NOTCH2: variants seen among roughly 807,000 people sequenced by gnomAD.
The protein encoded by NOTCH2 is neurogenic locus notch homolog protein 2.
In NOTCH2, 29 loss-of-function variants were observed where a neutral mutation model predicts 235.8. That is an observed-to-expected ratio of 0.12 (90% confidence interval 0.09 to 0.17). The LOEUF is 0.17. Ranked by LOEUF, NOTCH2 falls within the 10% of genes least tolerant of loss-of-function variation. The pLI is 1.00. For synonymous variants in NOTCH2, 1,086 were observed against 1,141.5 expected, an observed-to-expected ratio of 0.95 and a Z score of 0.98; for missense variants, 2,285 against 3,150.2, an observed-to-expected ratio of 0.73 and a Z score of 6.57.
At chr1:120,060,417 CAT>C (rs201155745) in intron 1 of NOTCH2, among the ~76,000 whole-genome samples, 16 of 144,442 alleles carry the variant, frequency 1.1e-4, no homozygotes, top group African/African-American at 3.5e-4. Flanking sequence ...TGTGTGTGTG[CAT>C]ATATATATAT....
chr1:119,932,081 C>A (rs1553195205), intron 22 of NOTCH2, among the ~76,000 whole-genome samples: 1 of 150,644 alleles, frequency 6.6e-6, no homozygotes, highest in African/African-American at 2.4e-5. Flanking sequence ...AAAATATATT[C>A]TCCACCTTAA....
chr1:119,977,358 T>C (rs1651626215), intron 5 of NOTCH2, among the ~76,000 whole-genome samples: 1 of 152,128 alleles, frequency 6.6e-6, no homozygotes, highest in African/African-American at 2.4e-5. Context: ...GAACTCTATC[T>C]CATTTGTATC....
chr1:119,928,914 C>T lies in NOTCH2; in HGVS notation c.3892+62G>A, dbSNP rs1240561701. 4 of 1,402,890 alleles carry T rather than the reference C, an allele frequency of 2.9e-6. No individual in the cohort carries two copies. The African/African-American group carries it at 5.7e-5, about 20-fold the overall frequency. The allele number at this position is 1,402,890 out of a possible 1,614,324, so 86.9% of individuals were successfully genotyped here. A position where few individuals can be genotyped will look rare whatever the true frequency, so the allele number is the denominator to read the frequency against. ...TGGGTCTGGGACAACTCACAGGGCC[C>T]AATTTGTTCACTAAAACCATCCTCC... On this transcript the variant is annotated intron_variant, in intron 23 of 33. Transcript: ENST00000256646.
At chr1:119,950,457 C>T (rs1650426915) in intron 15 of NOTCH2, 2 of 598,166 alleles carry the variant, frequency 3.3e-6, no homozygotes, top group African/African-American at 3.6e-5. Flanking sequence ...ATCTATGTGC[C>T]TGGTTCCAGC....
At chr1:119,967,698 ATGG>A in intron 7 of NOTCH2, 77 bp from the exon 8 acceptor site, 1 of 1,279,336 alleles carries the variant, frequency 7.8e-7, no homozygotes, top group Non-Finnish European at 1.1e-6. Flanking sequence ...AGAGCATCTG[ATGG>A]TTATAGCATC....
At chr1:119,954,006 G>A (rs1383239398) in intron 13 of NOTCH2, among the ~76,000 whole-genome samples, 1 of 152,124 alleles carries the variant, frequency 6.6e-6, no homozygotes, top group Non-Finnish European at 1.5e-5. Flanking sequence ...CACAATGTAT[G>A]TTATTATACA....
intron 12 of NOTCH2, among the ~76,000 whole-genome samples, chr1:119,958,714 ATGTGTGTGTGTG>A (rs10546889): frequency 2.0e-5 from 3 of 149,748 alleles, no homozygotes; most frequent in Non-Finnish European, 4.5e-5. Context: ...GAGAGAGAAG[ATGTGTGTGTGTG>A]TGTGTGTGTG....
chr1:119,967,740 C>T (rs1651198835), intron 7 of NOTCH2, 119 bp from the exon 8 acceptor site: 2 of 874,816 alleles, frequency 2.3e-6, no homozygotes, highest in Non-Finnish European at 3.7e-6. Flanking sequence ...ATATCATTCC[C>T]AATTTTCTAT....
chr1:120,030,208 A>C (rs1244952360), intron 1 of NOTCH2, among the ~76,000 whole-genome samples: 9 of 152,096 alleles, frequency 5.9e-5, no homozygotes, highest in African/African-American at 2.2e-4. Context: ...TGATGCTCTT[A>C]TTTCTCTGTG....
chr1:119,945,433 C>T (rs1279239551), intron 17 of NOTCH2, among the ~76,000 whole-genome samples: 2 of 152,008 alleles, frequency 1.3e-5, no homozygotes, highest in African/African-American at 4.8e-5. Flanking sequence ...AAAAGATAGA[C>T]ACCATCATAC....
At chr1:119,948,107 T>G (rs982727379) in intron 17 of NOTCH2, among the ~76,000 whole-genome samples, 1 of 152,212 alleles carries the variant, frequency 6.6e-6, no homozygotes, top group African/African-American at 2.4e-5. Flanking sequence ...CTGAAAATAT[T>G]TGCAGTTTAA....
At chr1:119,975,158 C>G (rs1402776061) in intron 5 of NOTCH2, among the ~76,000 whole-genome samples, 7 of 152,140 alleles carry the variant, frequency 4.6e-5, no homozygotes, top group African/African-American at 1.7e-4. Context: ...TAAAGAAGGC[C>G]AATCTGAGCT....
chr1:119,927,232 G>A (rs753796133), intron 23 of NOTCH2, among the ~76,000 whole-genome samples: 9 of 152,226 alleles, frequency 5.9e-5, no homozygotes, highest in Non-Finnish European at 1.0e-4. Context: ...TGGAACCACA[G>A]AGGAGACGCA....
chr1:119,967,944 A>G (rs1651208097), intron 7 of NOTCH2, 133 bp downstream of exon 7: 1 of 983,662 alleles, frequency 1.0e-6, no homozygotes, highest in South Asian at 1.4e-5. Flanking sequence ...ACTTGTAAAC[A>G]CTGGCCATGT....
chr1:119,951,823 A>T (rs1650485830), intron 14 of NOTCH2, among the ~76,000 whole-genome samples: 1 of 152,254 alleles, frequency 6.6e-6, no homozygotes, highest in African/African-American at 2.4e-5. Flanking sequence ...TTCAAGGAGT[A>T]TTCTGCTGCC....
rs79226777 is a variant in NOTCH2 at position 119,968,925 on chromosome 1, T to C, written c.1108+586A>G. ...CCATGAAAGAACATTTCAAAACTGC[T>C]GGGCAGAAAGTTCTCCCAGCTAAAT... On this transcript the variant is annotated intron_variant, in intron 6 of 33. Coordinates refer to ENST00000256646, the MANE Select transcript of NOTCH2 (RefSeq NM_024408.4). 6.7e-4 allele frequency among the ~76,000 whole-genome samples: 102 copies of C among 152,370 alleles called. 1 individual carries two copies. The East Asian group carries it at 0.017, about 25-fold the overall frequency.
intron 2 of NOTCH2, among the ~76,000 whole-genome samples, chr1:120,018,574 GAT>G (rs1189150358): frequency 2.7e-5 from 3 of 111,832 alleles, no homozygotes; most frequent in Non-Finnish European, 5.5e-5. Flanking sequence ...TAGGTGCACA[GAT>G]AATTCAATAT....
At chr1:120,065,216 T>C (rs1200073057) in intron 1 of NOTCH2, among the ~76,000 whole-genome samples, 1 of 152,242 alleles carries the variant, frequency 6.6e-6, no homozygotes, top group Non-Finnish European at 1.5e-5. Context: ...AAGGTAAGCA[T>C]GACTCCTGCA....
intron 23 of NOTCH2, among the ~76,000 whole-genome samples, chr1:119,928,020 T>C (rs1649531616): frequency 6.6e-6 from 1 of 152,208 alleles, no homozygotes; most frequent in South Asian, 2.1e-4. Context: ...CTAAGGAATC[T>C]GATCACACCC....
Sources: gnomAD v4.1 joint callset for allele counts (sites outside exome capture counted in the v4.1 genomes callset) on GRCh38, gnomAD v4.1.1 for gene constraint, MANE v1.5 for transcripts, NCBI Gene and HGNC (gene_info 2026-07-23, HGNC 2026-07-21) for gene names.